The following HIRA variants were observed in gnomAD, a reference collection of about 807,000 sequenced individuals.
The protein encoded by HIRA is histone cell cycle regulator.
In HIRA, 13 loss-of-function variants were observed where a neutral mutation model predicts 126.6. The ratio of observed to expected loss-of-function variants is 0.10; its 90% CI spans 0.07 to 0.16. The LOEUF is 0.16. HIRA is among the 10% of genes least tolerant of loss of function. HIRA has a pLI of 1.00. For missense variants in HIRA, 834 were observed against 1,314.4 expected (o/e 0.63, Z 5.65); for synonymous variants, 511 against 520.0 (o/e 0.98, Z 0.24).
chr22:19,365,394 G>C (rs1205176210), intron 15 of HIRA, among the ~76,000 whole-genome samples: 1 of 152,192 alleles, frequency 6.6e-6, no homozygotes, highest in Non-Finnish European at 1.5e-5. Context: ...CAGAAGACAG[G>C]CTGGTTATCT....
intron 15 of HIRA, among the ~76,000 whole-genome samples, chr22:19,365,452 T>A (rs1398480524): frequency 3.3e-5 from 5 of 152,244 alleles, no homozygotes; most frequent in Non-Finnish European, 5.9e-5. Context: ...TCAATACTCA[T>A]TAACTATTCC....
intron 1 of HIRA, among the ~76,000 whole-genome samples, chr22:19,427,846 C>T (rs554400506): frequency 5.3e-5 from 8 of 152,330 alleles, no homozygotes; most frequent in Admixed American, 5.2e-4. Flanking sequence ...CTCCATATTT[C>T]TACAAACTTT....
At chr22:19,349,597 G>A (rs1556010193) in intron 24 of HIRA, among the ~76,000 whole-genome samples, 1 of 152,182 alleles carries the variant, frequency 6.6e-6, no homozygotes, top group African/African-American at 2.4e-5. Flanking sequence ...ATGGAAATTA[G>A]ATTTACAATA....
At chr22:19,354,940 A>T (rs28594385) in intron 21 of HIRA, among the ~76,000 whole-genome samples, 7 of 147,020 alleles carry the variant, frequency 4.8e-5, no homozygotes, top group South Asian at 2.2e-4. Flanking sequence ...CTTATTTAAA[A>T]TTTTTTTTTT....
chr22:19,332,534 T>A (rs1319919501), intron 24 of HIRA, among the ~76,000 whole-genome samples: 1 of 152,128 alleles, frequency 6.6e-6, no homozygotes, highest in Non-Finnish European at 1.5e-5. Flanking sequence ...AAATAGATCA[T>A]GTTTTCTAAC....
At position 19,363,102 on chromosome 22, in the gene HIRA, C is replaced by T. The variant is rs188093337; in HGVS notation, c.1776-1171G>A. ...ACAAAAAATTAGCCGGGTGTGGTGG[C>T]GTGTGCCTGTAGTCCCAGCTACTCG... is the stretch of plus-strand genomic sequence containing the variant. On this transcript the variant is annotated intron_variant, in intron 15 of 24. Transcript: ENST00000263208. Among the ~76,000 whole-genome samples, 1,119 of 151,318 alleles carry T rather than the reference C, an allele frequency of 7.4e-3. 24 individuals are homozygous for T. Among genetic ancestry groups the T allele is most frequent in the East Asian group, 0.066 (326 of 4,964 alleles).
chr22:19,375,894 C>G, intron 14 of HIRA, 102 bp from the exon 15 acceptor site: 1 of 1,230,878 alleles, frequency 8.1e-7, no homozygotes, highest in Admixed American at 2.4e-5. Context: ...GCACAAATAT[C>G]AAACTTCCAT....
intron 15 of HIRA, among the ~76,000 whole-genome samples, chr22:19,362,410 C>A (rs2088872321): frequency 6.6e-6 from 1 of 152,048 alleles, no homozygotes; most frequent in Non-Finnish European, 1.5e-5. Flanking sequence ...GAGTGGGGAA[C>A]TCTTTCTACT....
rs766459895 is a variant in HIRA, at chr22:19,361,915, G to A, written c.1792C>T (p.Leu598Phe). The A allele has an allele frequency of 1.9e-6, 3 of 1,614,156 alleles. No homozygotes were observed. Among genetic ancestry groups the A allele is most frequent in the South Asian group, 1.1e-5 (1 of 91,078 alleles). Residue 598 changes from leucine to phenylalanine, a missense_variant, in exon 16 of 25, where the codon CTT becomes TTT. Around this residue, in one of 5 missense-constraint regions of HIRA, gnomAD observed 468 missense variants for 574.2 expected, o/e 0.82. Coordinates refer to ENST00000263208, the MANE Select transcript of HIRA (RefSeq NM_003325.4). ...TAVERLKEQN[L>F]VKELRPRDLL... is the part of the protein sequence containing the mutation. ...TCTCGGGGCCTCAGCTCTTTCACAA[G>A]GTTCTGCTCTTTTAACCTGCACAAA...
chr22:19,431,284 G>T (rs1015434534), intron 1 of HIRA, among the ~76,000 whole-genome samples, 156 bp downstream of exon 1: 2 of 152,278 alleles, frequency 1.3e-5, no homozygotes, highest in Non-Finnish European at 2.9e-5. Flanking sequence ...GCCTCTCCGC[G>T]CTGAGGACAA....
chr22:19,397,521 G>T (rs1215165324), intron 6 of HIRA, among the ~76,000 whole-genome samples: 1 of 152,218 alleles, frequency 6.6e-6, no homozygotes, highest in African/African-American at 2.4e-5. Context: ...AATATGAGAA[G>T]AATTTTACTA....
chr22:19,383,325 C>CCTGA (rs1569302180), intron 13 of HIRA, among the ~76,000 whole-genome samples: 1 of 152,088 alleles, frequency 6.6e-6, no homozygotes, highest in African/African-American at 2.4e-5. Context: ...AAAAAATCAG[C>CCTGA]CTGACTGACT....
chr22:19,379,408 C>T (rs575788492), intron 13 of HIRA, among the ~76,000 whole-genome samples: 2,608 of 150,688 alleles, frequency 0.017, 36 homozygotes, highest in Non-Finnish European at 0.023. Flanking sequence ...GGGTGGATCA[C>T]GAGGTCAAGA....
rs550220137 is a variant in HIRA at position 19,426,891 on chromosome 22, G to C, written c.37+4549C>G. Among the ~76,000 whole-genome samples, 224 of 152,284 alleles carry C rather than the reference G, an allele frequency of 1.5e-3. 2 individuals are homozygous for C. The highest frequency in any genetic ancestry group is 5.2e-3 in the African/African-American group (217 of 41,532). On this transcript the variant is annotated intron_variant, in intron 1 of 24. Coordinates refer to ENST00000263208, the MANE Select transcript of HIRA (RefSeq NM_003325.4). ...TGGAGCAGGTGAGGCAAGAATTACT[G>C]ACTTCATGAACAGATTAGGAAGAGA...
At chr22:19,426,610 A>G (rs78389826) in intron 1 of HIRA, among the ~76,000 whole-genome samples, 23,346 of 152,128 alleles carry the variant, frequency 0.15, 2,042 homozygotes, top group East Asian at 0.22. Flanking sequence ...TTGTATGTCA[A>G]TCTCTCTCAT....
intron 9 of HIRA, among the ~76,000 whole-genome samples, chr22:19,390,120 C>T (rs2089164714): frequency 6.6e-6 from 1 of 152,140 alleles, no homozygotes; most frequent in Admixed American, 6.5e-5. Flanking sequence ...ACCACACAGT[C>T]AGGTCACAGC....
At chr22:19,414,346 T>G (rs578085061) in intron 1 of HIRA, among the ~76,000 whole-genome samples, 3 of 152,302 alleles carry the variant, frequency 2.0e-5, no homozygotes, top group Admixed American at 6.5e-5. Context: ...AGGGGAAAGA[T>G]TCCTAGAAGA....
chr22:19,382,985 C>T (rs2089090349), intron 13 of HIRA, among the ~76,000 whole-genome samples: 1 of 152,072 alleles, frequency 6.6e-6, no homozygotes, highest in African/African-American at 2.4e-5. Flanking sequence ...CACAGGTGAG[C>T]TCAAAGACTC....
intron 1 of HIRA, among the ~76,000 whole-genome samples, chr22:19,421,063 C>T (rs1433520433): frequency 2.0e-5 from 3 of 152,084 alleles, no homozygotes; most frequent in Admixed American, 6.5e-5. Flanking sequence ...TTTGGGAGGT[C>T]GAGGCGGGTG....
Sources: allele counts gnomAD v4.1 joint callset (sites outside exome capture counted in the v4.1 genomes callset), GRCh38; gene constraint gnomAD v4.1.1; regional missense constraint gnomAD v4.1.1; transcripts MANE v1.5; gene names NCBI Gene and HGNC (gene_info 2026-07-23, HGNC 2026-07-21).